SULT1C3: variants seen among roughly 807,000 people sequenced by gnomAD.
The protein encoded by SULT1C3 is sulfotransferase family 1C member 3.
In SULT1C3, 31 loss-of-function variants were observed where a neutral mutation model predicts 28.4. That is an observed-to-expected ratio of 1.09 (90% CI 0.82 to 1.47). SULT1C3 has a LOEUF of 1.47. SULT1C3 is among the 40% of genes most tolerant of loss of function. The pLI is 0.00. For missense variants in SULT1C3, 307 were observed against 272.5 expected (o/e 1.13, Z -0.89); for synonymous variants, 106 against 92.2 (o/e 1.15, Z -0.86).
chr2:108,253,055 G>A (rs534905922), intron 3 of SULT1C3, among the ~76,000 whole-genome samples: 1 of 151,812 alleles, frequency 6.6e-6, no homozygotes, highest in African/African-American at 2.4e-5. Flanking sequence ...GAGAAAAAGA[G>A]AAAGGAAAAA....
At chr2:108,250,760 G>T (rs1675708402) in intron 2 of SULT1C3, among the ~76,000 whole-genome samples, 1 of 151,918 alleles carries the variant, frequency 6.6e-6, no homozygotes, top group South Asian at 2.1e-4. Flanking sequence ...GAACATAAAT[G>T]AATCCCAAAA....
chr2:108,251,558 G>C (rs1219395677), intron 2 of SULT1C3, among the ~76,000 whole-genome samples: 2 of 151,996 alleles, frequency 1.3e-5, no homozygotes, highest in Non-Finnish European at 2.9e-5. Context: ...TGCCAAAAAT[G>C]TTCGCTAGAA....
intron 1 of SULT1C3, among the ~76,000 whole-genome samples, chr2:108,244,401 A>G (rs1313158320): frequency 2.0e-5 from 3 of 152,204 alleles, no homozygotes; most frequent in Non-Finnish European, 2.9e-5. Context: ...AAAGAAGAAA[A>G]AATACTACAG....
chr2:108,257,210 G>T (rs1452761570), intron 5 of SULT1C3, among the ~76,000 whole-genome samples: 2 of 151,802 alleles, frequency 1.3e-5, no homozygotes, highest in Non-Finnish European at 2.9e-5. Flanking sequence ...ATCACCTGAA[G>T]GTCTTAAGAG....
chr2:108,243,630 CAA>C (rs34569653), intron 1 of SULT1C3, among the ~76,000 whole-genome samples: 18 of 129,806 alleles, frequency 1.4e-4, no homozygotes, highest in Admixed American at 2.3e-4. Flanking sequence ...GACTCTATCT[CAA>C]AAAAAAAAAA....
intron 2 of SULT1C3, among the ~76,000 whole-genome samples, chr2:108,247,576 T>C (rs1675619893): frequency 6.6e-6 from 1 of 152,146 alleles, no homozygotes; most frequent in Admixed American, 6.6e-5. Flanking sequence ...AAAAGATTTC[T>C]AAATGCTTTG....
rs762172279 is a variant in SULT1C3, at chr2:108,247,391, A to G, written c.172+25A>G. The G allele has an allele frequency of 2.7e-6, 4 of 1,492,460 alleles. No homozygotes were observed. The African/African-American group carries it at 4.3e-5, about 16-fold the overall frequency. The allele number at this position is 1,492,460 out of a possible 1,614,324, so 92.5% of individuals were successfully genotyped here. On this transcript the variant is annotated intron_variant, in intron 2 of 7. Transcript: ENST00000681802. ...GGTAAGGGTAGCAAAACATAAAAAT[A>G]TTCAATATTTTCACGTGAAATTATT...
intron 5 of SULT1C3, among the ~76,000 whole-genome samples, chr2:108,255,957 A>G (rs1675858019): frequency 6.6e-6 from 1 of 152,098 alleles, no homozygotes; most frequent in African/African-American, 2.4e-5. Context: ...CAAACAATCA[A>G]CTTCAAAATA....
At chr2:108,262,420 C>CA (rs1246405641), downstream of SULT1C3, among the ~76,000 whole-genome samples, 2 of 152,166 alleles carry the variant, frequency 1.3e-5, no homozygotes, top group Non-Finnish European at 2.9e-5. Context: ...ACCTTGGACT[C>CA]AGAGTATTGA....
chr2:108,255,337 G>A (rs1052730422), intron 4 of SULT1C3, among the ~76,000 whole-genome samples: 2 of 151,932 alleles, frequency 1.3e-5, no homozygotes, highest in African/African-American at 4.8e-5. Flanking sequence ...CAGGAAGAGT[G>A]GTTCCTCATA....
chr2:108,244,054 C>A (rs1403943908), intron 1 of SULT1C3, among the ~76,000 whole-genome samples: 1 of 152,214 alleles, frequency 6.6e-6, no homozygotes, highest in Admixed American at 6.5e-5. Context: ...TGCATCCTAA[C>A]CTAAGGTATC....
intron 1 of SULT1C3, among the ~76,000 whole-genome samples, chr2:108,245,168 T>C (rs573053755): frequency 6.6e-6 from 1 of 152,312 alleles, no homozygotes; most frequent in East Asian, 1.9e-4. Context: ...GTGCCACCCA[T>C]GACTGCAGAC....
At chr2:108,244,698 C>T (rs1675538548) in intron 1 of SULT1C3, among the ~76,000 whole-genome samples, 1 of 152,140 alleles carries the variant, frequency 6.6e-6, no homozygotes, top group Admixed American at 6.6e-5. Context: ...GAAAATCAGC[C>T]TAAGTCTGCC....
At chr2:108,243,847 A>AT (rs1675523825) in intron 1 of SULT1C3, among the ~76,000 whole-genome samples, 2 of 152,114 alleles carry the variant, frequency 1.3e-5, no homozygotes, top group South Asian at 4.1e-4. Flanking sequence ...GGCTTATATG[A>AT]TTTTTTGGCC....
chr2:108,259,481 C>A (rs1675964705), intron 7 of SULT1C3, among the ~76,000 whole-genome samples: 1 of 152,094 alleles, frequency 6.6e-6, no homozygotes, highest in Non-Finnish European at 1.5e-5. Flanking sequence ...ACAATACCCA[C>A]CTCAACCATG....
chr2:108,242,166 C>T (rs1439046315), intron 1 of SULT1C3, among the ~76,000 whole-genome samples: 3 of 152,138 alleles, frequency 2.0e-5, no homozygotes, highest in Admixed American at 2.0e-4. Flanking sequence ...TTTGACGACA[C>T]TTGTATTCTA....
chr2:108,252,128 TAAAG>T (rs930333852), intron 2 of SULT1C3, among the ~76,000 whole-genome samples: 1 of 151,080 alleles, frequency 6.6e-6, no homozygotes, highest in African/African-American at 2.4e-5. Context: ...CATAGATACA[TAAAG>T]AAACAGATGA....
At chr2:108,261,224 G>A (rs1354293457), downstream of SULT1C3, among the ~76,000 whole-genome samples, 3 of 152,206 alleles carry the variant, frequency 2.0e-5, no homozygotes, top group East Asian at 3.9e-4. Context: ...AATGATTACT[G>A]CTCTACTTTT....
chr2:108,259,345 C>G (rs1478060871), intron 7 of SULT1C3, among the ~76,000 whole-genome samples, 199 bp downstream of exon 7: 2 of 152,090 alleles, frequency 1.3e-5, no homozygotes, highest in African/African-American at 4.8e-5. Context: ...CCCCTGCAGG[C>G]CTTGCTAAAG....
Sources: allele counts gnomAD v4.1 joint callset (sites outside exome capture counted in the v4.1 genomes callset), GRCh38; gene constraint gnomAD v4.1.1; transcripts MANE v1.5; gene names NCBI Gene and HGNC (gene_info 2026-07-23, HGNC 2026-07-21).